RGL1: variants seen among roughly 807,000 people sequenced by gnomAD.
RGL1 encodes ral guanine nucleotide dissociation stimulator like 1.
Under a neutral mutation model 95.2 loss-of-function variants are expected in RGL1, and 24 were observed. That is an observed-to-expected ratio of 0.25 (90% CI 0.18 to 0.35). The LOEUF is 0.35. Among genes scored for constraint, RGL1 ranks in the 10% least tolerant of loss-of-function variants. The pLI is 1.00. For missense variants in RGL1, 715 were observed against 936.3 expected (o/e 0.76, Z 3.08); for synonymous variants, 329 against 344.9 (o/e 0.95, Z 0.51).
At chr1:183,740,145 C>T (rs1201398123) in intron 1 of RGL1, among the ~76,000 whole-genome samples, 1 of 152,128 alleles carries the variant, frequency 6.6e-6, no homozygotes, top group Non-Finnish European at 1.5e-5. Context: ...TTCCATTTTG[C>T]CTGTTTATTT....
chr1:183,681,229 G>C (rs901978301), intron 1 of RGL1, among the ~76,000 whole-genome samples: 1 of 152,202 alleles, frequency 6.6e-6, no homozygotes, highest in Non-Finnish European at 1.5e-5. Context: ...GGAGTGGTGA[G>C]AGAGGGCATC....
intron 1 of RGL1, among the ~76,000 whole-genome samples, chr1:183,728,822 A>G (rs1656459926): frequency 6.6e-6 from 1 of 152,208 alleles, no homozygotes; most frequent in South Asian, 2.1e-4. Context: ...AGAACCCAGA[A>G]ATAGACGAGC....
intron 2 of RGL1, among the ~76,000 whole-genome samples, chr1:183,770,126 G>C (rs1372777181): frequency 1.3e-5 from 2 of 152,174 alleles, no homozygotes; most frequent in Non-Finnish European, 2.9e-5. Context: ...AACAGTCCAG[G>C]TGCTTTTCTC....
intron 1 of RGL1, among the ~76,000 whole-genome samples, chr1:183,652,515 T>C (rs1650835654): frequency 6.6e-6 from 1 of 152,244 alleles, no homozygotes; most frequent in Non-Finnish European, 1.5e-5. Context: ...CTCTTTGAAC[T>C]CTTAGAGAAT....
At chr1:183,810,076 A>G (rs914856685) in intron 2 of RGL1, among the ~76,000 whole-genome samples, 1 of 152,236 alleles carries the variant, frequency 6.6e-6, no homozygotes, top group Non-Finnish European at 1.5e-5. Flanking sequence ...TGGACAGTGA[A>G]TAATATAGAA....
At chr1:183,706,218 A>C (rs972002836) in intron 1 of RGL1, among the ~76,000 whole-genome samples, 6 of 152,094 alleles carry the variant, frequency 3.9e-5, no homozygotes, top group Admixed American at 6.5e-5. Context: ...ACTAAGAAAG[A>C]GTGAGTGAAG....
At chr1:183,796,465 A>G (rs1329483114) in intron 2 of RGL1, among the ~76,000 whole-genome samples, 1 of 152,096 alleles carries the variant, frequency 6.6e-6, no homozygotes, top group African/African-American at 2.4e-5. Context: ...CCCGGCCTGT[A>G]TCCCTATTTT....
At chr1:183,842,777 AC>A (rs747499297) in intron 2 of RGL1, among the ~76,000 whole-genome samples, 1 of 152,240 alleles carries the variant, frequency 6.6e-6, no homozygotes, top group African/African-American at 2.4e-5. Flanking sequence ...CACTTGTCTG[AC>A]AAGGGTTCCA....
upstream of RGL1, among the ~76,000 whole-genome samples, chr1:183,804,586 T>C (rs1661164445): frequency 6.6e-6 from 1 of 152,112 alleles, no homozygotes; most frequent in African/African-American, 2.4e-5. Flanking sequence ...CCACCCCCAA[T>C]GGCCAGTTAC....
At chr1:183,784,973 A>G (rs1427649603) in intron 2 of RGL1, among the ~76,000 whole-genome samples, 1 of 152,208 alleles carries the variant, frequency 6.6e-6, no homozygotes, top group Non-Finnish European at 1.5e-5. Flanking sequence ...CTAATAAAAC[A>G]TTAATTTCAC....
At chr1:183,858,559 G>A (rs150872383) in intron 3 of RGL1, among the ~76,000 whole-genome samples, 13 of 152,278 alleles carry the variant, frequency 8.5e-5, no homozygotes, top group South Asian at 4.1e-4. Flanking sequence ...CTAAAATTAC[G>A]CTTCATGGTT....
At chr1:183,809,180 C>G (rs1443081098) in intron 2 of RGL1, among the ~76,000 whole-genome samples, 1 of 152,148 alleles carries the variant, frequency 6.6e-6, no homozygotes, top group Non-Finnish European at 1.5e-5. Context: ...TGTTACGTGT[C>G]TGTAATGCTT....
At chr1:183,696,025 C>T (rs1286355824) in intron 1 of RGL1, among the ~76,000 whole-genome samples, 1 of 152,202 alleles carries the variant, frequency 6.6e-6, no homozygotes, top group Non-Finnish European at 1.5e-5. Context: ...CACTTTGAAT[C>T]ACTATCTAAC....
At chr1:183,715,191 T>C (rs1655535717) in intron 1 of RGL1, among the ~76,000 whole-genome samples, 1 of 152,234 alleles carries the variant, frequency 6.6e-6, no homozygotes, top group African/African-American at 2.4e-5. Flanking sequence ...CTGAGCCTCA[T>C]TGAAAAGAAA....
At chr1:183,899,491 G>A (rs887341357) in intron 10 of RGL1, among the ~76,000 whole-genome samples, 3 of 152,168 alleles carry the variant, frequency 2.0e-5, no homozygotes, top group Non-Finnish European at 4.4e-5. Context: ...TGAGCTTCTG[G>A]ATTTTTAGAA....
At chr1:183,814,015 T>C (rs964437711) in intron 2 of RGL1, among the ~76,000 whole-genome samples, 2 of 152,256 alleles carry the variant, frequency 1.3e-5, no homozygotes, top group African/African-American at 2.4e-5. Context: ...GATTTTGTCA[T>C]GTTTTGCTTG....
At chr1:183,819,244 C>T (rs1662289550) in intron 2 of RGL1, among the ~76,000 whole-genome samples, 1 of 152,186 alleles carries the variant, frequency 6.6e-6, no homozygotes, top group Admixed American at 6.5e-5. Context: ...TGACACATCT[C>T]CATGAACATA....
At chr1:183,791,627 G>T (rs1482264796) in intron 2 of RGL1, among the ~76,000 whole-genome samples, 1 of 152,172 alleles carries the variant, frequency 6.6e-6, no homozygotes, top group East Asian at 1.9e-4. Context: ...AGAATAACTG[G>T]TGATAATTTT....
intron 2 of RGL1, among the ~76,000 whole-genome samples, chr1:183,843,623 G>A (rs1286485943): frequency 6.6e-6 from 1 of 152,176 alleles, no homozygotes; most frequent in Non-Finnish European, 1.5e-5. Context: ...CTTTTGATAA[G>A]AAGGATTTAG....
Sources: allele counts gnomAD v4.1 joint callset (sites outside exome capture counted in the v4.1 genomes callset), GRCh38; gene constraint gnomAD v4.1.1; transcripts MANE v1.5; gene names NCBI Gene and HGNC (gene_info 2026-07-23, HGNC 2026-07-21).